Variants in SPINT2 observed in about 807,000 individuals in gnomAD.
SPINT2 encodes the protein serine peptidase inhibitor, Kunitz type 2.
In SPINT2, 18 loss-of-function variants were observed where a neutral mutation model predicts 30.1. The observed-to-expected ratio is 0.60, with a 90% CI of 0.41 to 0.89. The LOEUF (loss-of-function observed/expected upper bound fraction) is 0.89. SPINT2 is among the 40% of genes least tolerant of loss of function. The probability of loss-of-function intolerance (pLI) is 0.00; values close to 1 mark genes in which losing one functional copy is unlikely to be tolerated. For missense variants in SPINT2, 276 were observed against 334.3 expected, an observed-to-expected ratio of 0.83 and a Z score of 1.36; for synonymous variants, 139 against 137.9, an observed-to-expected ratio of 1.01 and a Z score of -0.05.
intron 1 of SPINT2, among the ~76,000 whole-genome samples, chr19:38,276,494 C>G (rs894461431): frequency 6.6e-6 from 1 of 151,788 alleles, no homozygotes; most frequent in Non-Finnish European, 1.5e-5. Flanking sequence ...ATACAAAAAT[C>G]AGCCGCGTGT....
intron 4 of SPINT2, chr19:38,289,560 G>GACAC (rs1968689113): frequency 1.3e-5 from 3 of 231,322 alleles, no homozygotes; most frequent in Non-Finnish European, 2.6e-5. Flanking sequence ...TCTTAGTTGG[G>GACAC]TATTGAGAGA....
intron 1 of SPINT2, chr19:38,265,692 C>T (rs1968369720): frequency 6.6e-6 from 1 of 152,294 alleles, no homozygotes; most frequent in African/African-American, 2.4e-5. Flanking sequence ...TCTGAAAGGT[C>T]TCTTTGAACA....
intron 3 of SPINT2, 39 bp downstream of exon 3, chr19:38,287,974 C>T (rs760290703): frequency 1.0e-5 from 16 of 1,600,000 alleles, no homozygotes; most frequent in South Asian, 4.4e-5. Flanking sequence ...GTGAGGCCAC[C>T]GGATGGGTCA....
At chr19:38,283,912 G>C in intron 2 of SPINT2, 115 bp downstream of exon 2, 2 of 1,254,288 alleles carry the variant, frequency 1.6e-6, no homozygotes, top group Non-Finnish European at 2.2e-6. Flanking sequence ...CGCGATCTTG[G>C]CTCACTGCAA....
intron 1 of SPINT2, among the ~76,000 whole-genome samples, chr19:38,281,062 G>C (rs1968575697): frequency 6.6e-6 from 1 of 152,074 alleles, no homozygotes; most frequent in Non-Finnish European, 1.5e-5. Context: ...GGTCCCACGT[G>C]GGTCCTCTTC....
intron 1 of SPINT2, among the ~76,000 whole-genome samples, chr19:38,265,913 G>A (rs1968372690): frequency 6.6e-6 from 1 of 152,212 alleles, no homozygotes; most frequent in Non-Finnish European, 1.5e-5. Context: ...GCTAGTGAAG[G>A]TTTAAAAAGC....
At position 38,264,701 on chromosome 19, in the gene SPINT2, G is replaced by A; in HGVS notation, c.-192G>A. 1 of 599,404 alleles carries A rather than the reference G, an allele frequency of 1.7e-6. No individual in the cohort carries two copies. The allele number at this position is 599,404 out of a possible 1,614,324, so 37.1% of individuals were successfully genotyped here. On this transcript the variant is annotated 5_prime_UTR_variant, in exon 1 of 7. Transcript: ENST00000301244. Reference sequence around the variant, plus strand: ...AGACCCAGGCATCGCGCGCCGAGAAGGCCGGGCGTCCCCACACTGAAGGTC... The same window carrying A: ...AGACCCAGGCATCGCGCGCCGAGAAAGCCGGGCGTCCCCACACTGAAGGTC...
chr19:38,288,870 T>C (rs888839444), intron 3 of SPINT2: 5 of 488,630 alleles, frequency 1.0e-5, no homozygotes, highest in Non-Finnish European at 1.9e-5. Context: ...AACAAGACCG[T>C]GTTCCCTATA....
At chr19:38,291,496 T>C (rs543651567) in intron 6 of SPINT2, 2 of 293,152 alleles carry the variant, frequency 6.8e-6, no homozygotes, top group Non-Finnish European at 6.6e-6. Flanking sequence ...TAAGTGTTTT[T>C]TACACCCTTG....
chr19:38,283,690 A>T lies in SPINT2; in HGVS notation c.170A>T (p.Asn57Ile). ...CRASMPRWWY[N>I]VTDGSCQLFV... The stretch of plus-strand genomic sequence containing the variant: ...GCCTCCATGCCTAGGTGGTGGTACA[A>T]TGTCACTGACGGATCCTGCCAGCTG... The change falls in exon 2 of 7, where the codon AAT (asparagine) becomes ATT (isoleucine). Residue 57 changes from asparagine (N) to isoleucine (I), a missense_variant. Coordinates refer to ENST00000301244, the MANE Select transcript of SPINT2 (RefSeq NM_021102.4). 6.2e-7 allele frequency: 1 copy of T among 1,614,120 alleles called. No homozygotes were observed. The highest frequency in any genetic ancestry group is 1.1e-5 in the South Asian group (1 of 91,062).
At chr19:38,289,014 G>C in intron 3 of SPINT2, 124 bp from the exon 4 acceptor site, 1 of 855,318 alleles carries the variant, frequency 1.2e-6, no homozygotes, top group Admixed American at 1.7e-5. Flanking sequence ...GCCATGGAAG[G>C]GGCTACACAC....
intron 1 of SPINT2, among the ~76,000 whole-genome samples, chr19:38,281,739 C>G (rs901621308): frequency 6.6e-6 from 1 of 151,994 alleles, no homozygotes; most frequent in African/African-American, 2.4e-5. Context: ...TAAAATCACT[C>G]GTTTTAAGTA....
chr19:38,282,699 G>A (rs1244774868), intron 1 of SPINT2, among the ~76,000 whole-genome samples: 1 of 152,226 alleles, frequency 6.6e-6, no homozygotes, highest in East Asian at 1.9e-4. Flanking sequence ...AATAGGAGCT[G>A]TAACAAGCCG....
chr19:38,292,068 T>C lies in SPINT2; in HGVS notation c.*62T>C. Reference sequence around the variant, plus strand: ...AGACTATGTGTGAGCTTTTTTTAAATAGAGGGATTGACTCGGATTTGAGTG... The same window carrying C: ...AGACTATGTGTGAGCTTTTTTTAAACAGAGGGATTGACTCGGATTTGAGTG... On this transcript the variant is annotated 3_prime_UTR_variant, in exon 7 of 7. Transcript: ENST00000301244. The C allele has an allele frequency of 1.3e-6, 2 of 1,590,072 alleles. No homozygotes were observed. The highest frequency in any genetic ancestry group is 1.7e-6 in the Non-Finnish European group (2 of 1,167,880).
chr19:38,280,246 C>A (rs961334662), intron 1 of SPINT2, among the ~76,000 whole-genome samples: 1 of 152,162 alleles, frequency 6.6e-6, no homozygotes, highest in Non-Finnish European at 1.5e-5. Context: ...GACCGTGCTC[C>A]GGAAGAGCTG....
At chr19:38,280,093 C>T (rs1968563516) in intron 1 of SPINT2, among the ~76,000 whole-genome samples, 1 of 152,182 alleles carries the variant, frequency 6.6e-6, no homozygotes, top group Admixed American at 6.5e-5. Context: ...CAGATGTAAG[C>T]AGCTGTCTAG....
rs1968730058 is a variant in SPINT2 at position 38,292,163 on chromosome 19, T to C, written c.*157T>C. 25 of 1,079,082 alleles carry C rather than the reference T, an allele frequency of 2.3e-5. No homozygotes were observed. In the South Asian group the frequency reaches 3.5e-4, roughly 15 times the overall value. 66.8% of individuals were successfully genotyped at this position (1,079,082 alleles called of 1,614,324 possible). A position where few individuals can be genotyped will look rare whatever the true frequency, so the allele number is the denominator to read the frequency against. On this transcript the variant is annotated 3_prime_UTR_variant, in exon 7 of 7. Transcript: ENST00000301244. The stretch of plus-strand genomic sequence containing the variant: ...CTTCCTGGTCTGGCAGGGATGGGTT[T>C]GCTTTGGAAATCCTCTAGGAGGCTC...
In SPINT2 at chr19:38,264,664, C is replaced by T; in HGVS notation, c.-229C>T. On this transcript the variant is annotated 5_prime_UTR_variant, in exon 1 of 7. Transcript: ENST00000301244. ...TTGAGTGTCGCAGGCGGCGAGGGCG[C>T]GAGTGAGGAGCAGACCCAGGCATCG... 1.8e-6 allele frequency: 1 copy of T among 544,534 alleles called. No individual in the cohort carries two copies. Among genetic ancestry groups the T allele is most frequent in the Non-Finnish European group, 3.3e-6 (1 of 306,772 alleles). The allele number at this position is 544,534 out of a possible 1,614,324, so 33.7% of individuals were successfully genotyped here. A position where few individuals can be genotyped will look rare whatever the true frequency, so the allele number is the denominator to read the frequency against.
chr19:38,267,102 T>C (rs1296063072), intron 1 of SPINT2, among the ~76,000 whole-genome samples: 1 of 152,206 alleles, frequency 6.6e-6, no homozygotes, highest in East Asian at 1.9e-4. Flanking sequence ...CAGGTCTCAC[T>C]GCAGAGGCCT....
Sources: allele counts gnomAD v4.1 joint callset (sites outside exome capture counted in the v4.1 genomes callset), GRCh38; gene constraint gnomAD v4.1.1; transcripts MANE v1.5; gene names NCBI Gene and HGNC (gene_info 2026-07-23, HGNC 2026-07-21).